DNAJC1: variants seen among roughly 807,000 people sequenced by gnomAD.
DNAJC1 encodes the protein dnaJ homolog subfamily C member 1.
A neutral mutation model predicts 76.6 loss-of-function variants in DNAJC1; 58 were observed. The observed-to-expected ratio is 0.76, with a 90% CI of 0.61 to 0.94. DNAJC1 has a LOEUF of 0.94. Among genes scored for constraint, DNAJC1 ranks in the 40% least tolerant of loss-of-function variants. The probability of loss-of-function intolerance (pLI) is 0.00; values close to 1 mark genes in which losing one functional copy is unlikely to be tolerated. For missense variants in DNAJC1, 689 were observed against 677.3 expected (o/e 1.02, Z -0.19); for synonymous variants, 258 against 267.9 (o/e 0.96, Z 0.36).
Position 21,759,484 on chromosome 10 carries a change from C to T in DNAJC1, c.1282G>A (p.Gly428Arg). Residue 428 changes from glycine (G) to arginine (R), a missense_variant, in exon 11 of 12, where the codon GGA (glycine) becomes AGA (arginine). Coordinates refer to ENST00000376980, the MANE Select transcript of DNAJC1 (RefSeq NM_022365.4). ...EGVAAEEEQE[G>R]DSGEQETGAT... ...CCGGTCTCCTGCTCACCGGAGTCTC[C>T]CTCCTGCTCCTCCTCCGCTGCCACC... 1.2e-6 allele frequency: 2 copies of T among 1,614,196 alleles called. No homozygotes were observed. Among genetic ancestry groups the T allele is most frequent in the Non-Finnish European group, 1.7e-6 (2 of 1,180,040 alleles).
At chr10:21,966,546 A>C (rs914047244) in intron 1 of DNAJC1, among the ~76,000 whole-genome samples, 5 of 151,792 alleles carry the variant, frequency 3.3e-5, no homozygotes, top group African/African-American at 1.2e-4. Flanking sequence ...TGTAGGTATA[A>C]ATTCATGGAT....
intron 8 of DNAJC1, among the ~76,000 whole-genome samples, chr10:21,840,075 T>C (rs1326489444): frequency 6.6e-6 from 1 of 152,166 alleles, no homozygotes; most frequent in Non-Finnish European, 1.5e-5. Flanking sequence ...AAACTCTCAA[T>C]AAATTAGGTA....
intron 8 of DNAJC1, among the ~76,000 whole-genome samples, chr10:21,855,842 T>C (rs1835826233): frequency 7.0e-6 from 1 of 142,278 alleles, no homozygotes; most frequent in Non-Finnish European, 1.5e-5. Context: ...ATAGGGAAGA[T>C]GTTCATTTTG....
At chr10:21,823,085 T>C (rs1835186925) in intron 8 of DNAJC1, among the ~76,000 whole-genome samples, 1 of 152,096 alleles carries the variant, frequency 6.6e-6, no homozygotes, top group East Asian at 1.9e-4. Context: ...TTGTAAATCA[T>C]GACAATTTTA....
intron 9 of DNAJC1, among the ~76,000 whole-genome samples, chr10:21,773,610 C>T (rs1263261373): frequency 2.6e-5 from 4 of 152,038 alleles, no homozygotes; most frequent in African/African-American, 7.2e-5. Context: ...TGTTAGATGG[C>T]GTGTTTTAGA....
intron 1 of DNAJC1, among the ~76,000 whole-genome samples, chr10:22,000,238 G>C (rs1235238803): frequency 1.3e-5 from 2 of 152,084 alleles, no homozygotes; most frequent in Admixed American, 6.5e-5. Flanking sequence ...TACCACCCAG[G>C]TCCAATCTAT....
At chr10:21,885,341 G>C (rs546426361) in intron 7 of DNAJC1, among the ~76,000 whole-genome samples, 1 of 151,984 alleles carries the variant, frequency 6.6e-6, no homozygotes. Flanking sequence ...TTCATAAAGC[G>C]AGTTCTTAGA....
intron 9 of DNAJC1, among the ~76,000 whole-genome samples, chr10:21,778,668 G>C (rs1436839294): frequency 1.3e-5 from 2 of 152,210 alleles, no homozygotes; most frequent in Non-Finnish European, 2.9e-5. Flanking sequence ...CCCAGTGTGA[G>C]CGACGGAGAA....
chr10:21,859,295 T>C lies in DNAJC1; in HGVS notation c.978+22987A>G, dbSNP rs904296619. Among the ~76,000 whole-genome samples the C allele has an allele frequency of 5.9e-5, 9 of 152,154 alleles. No homozygotes were observed. In the East Asian group the frequency reaches 1.7e-3, roughly 29 times the overall value. ...ATTTGAATGTTTTTGCCCTAAAAAG[T>C]GGCTATTGCATATGACTAAATTAAA... is the stretch of plus-strand genomic sequence containing the variant. On this transcript the variant is annotated intron_variant, in intron 8 of 11. Coordinates refer to ENST00000376980, the MANE Select transcript of DNAJC1 (RefSeq NM_022365.4).
At chr10:21,970,918 G>A (rs758939467) in intron 1 of DNAJC1, among the ~76,000 whole-genome samples, 4 of 151,750 alleles carry the variant, frequency 2.6e-5, no homozygotes, top group Non-Finnish European at 5.9e-5. Flanking sequence ...CCTTATTGAG[G>A]TCTAGTTGAC....
intron 8 of DNAJC1, among the ~76,000 whole-genome samples, chr10:21,807,210 C>T (rs767280483): frequency 1.3e-5 from 2 of 152,054 alleles, no homozygotes; most frequent in Admixed American, 6.6e-5. Flanking sequence ...TCACCATTTC[C>T]GATAATGAAC....
chr10:21,848,194 T>A (rs1472116371), intron 8 of DNAJC1, among the ~76,000 whole-genome samples: 1 of 152,186 alleles, frequency 6.6e-6, no homozygotes, highest in Non-Finnish European at 1.5e-5. Context: ...TGATTTGCAT[T>A]TCCCTGATGA....
intron 1 of DNAJC1, among the ~76,000 whole-genome samples, chr10:21,968,569 A>G (rs187923677): frequency 2.0e-5 from 3 of 150,492 alleles, no homozygotes; most frequent in Non-Finnish European, 3.0e-5. Flanking sequence ...GTGCAGTGGC[A>G]CGACGATCTC....
intron 7 of DNAJC1, 119 bp downstream of exon 7, chr10:21,904,403 G>A: frequency 1.7e-6 from 1 of 591,856 alleles, no homozygotes; most frequent in Middle Eastern, 4.8e-4. Context: ...CCACTAGGGA[G>A]TGGGAAAAAA....
At chr10:21,803,525 T>C (rs1236022615) in intron 9 of DNAJC1, among the ~76,000 whole-genome samples, 1 of 152,048 alleles carries the variant, frequency 6.6e-6, no homozygotes, top group Non-Finnish European at 1.5e-5. Context: ...TCAATGTAAT[T>C]TACAAGTCAT....
chr10:21,875,502 A>T (rs1836172098), intron 8 of DNAJC1, among the ~76,000 whole-genome samples: 1 of 152,238 alleles, frequency 6.6e-6, no homozygotes, highest in Non-Finnish European at 1.5e-5. Context: ...ATTTTCAGCA[A>T]TGAAAGCTTT....
intron 9 of DNAJC1, chr10:21,803,765 G>A: frequency 2.3e-6 from 2 of 884,228 alleles, no homozygotes; most frequent in Non-Finnish European, 2.7e-6. Context: ...TAGAAGAAAA[G>A]TTATAATGGC....
intron 7 of DNAJC1, among the ~76,000 whole-genome samples, chr10:21,899,792 G>T (rs1452929046): frequency 6.6e-6 from 1 of 152,160 alleles, no homozygotes; most frequent in East Asian, 1.9e-4. Context: ...ACCCTTCCTA[G>T]TCCAGACTGT....
At chr10:21,930,604 T>C (rs1837206320) in intron 1 of DNAJC1, among the ~76,000 whole-genome samples, 1 of 152,194 alleles carries the variant, frequency 6.6e-6, no homozygotes, top group African/African-American at 2.4e-5. Context: ...TCCAGACTAG[T>C]ATGTTACCCA....
Sources: allele counts gnomAD v4.1 joint callset (sites outside exome capture counted in the v4.1 genomes callset), GRCh38; gene constraint gnomAD v4.1.1; transcripts MANE v1.5; gene names NCBI Gene and HGNC (gene_info 2026-07-23, HGNC 2026-07-21).